The following B3GALT1 variants were observed in gnomAD, a reference collection of about 807,000 sequenced individuals.
The protein encoded by B3GALT1 is beta-1,3-galactosyltransferase 1.
Under a neutral mutation model 23.2 loss-of-function variants are expected in B3GALT1, and 10 were observed. The ratio of observed to expected loss-of-function variants is 0.43; its 90% CI spans 0.27 to 0.73. The LOEUF (loss-of-function observed/expected upper bound fraction) is 0.73. B3GALT1 is among the 30% of genes least tolerant of loss of function. The probability of loss-of-function intolerance (pLI) is 0.21; values close to 1 mark genes in which losing one functional copy is unlikely to be tolerated. For missense variants in B3GALT1, 299 were observed against 405.4 expected, an observed-to-expected ratio of 0.74 and a Z score of 2.25; for synonymous variants, 156 against 141.5, an observed-to-expected ratio of 1.10 and a Z score of -0.73.
intron 4 of B3GALT1, among the ~76,000 whole-genome samples, chr2:167,837,289 C>G (rs1375554899): frequency 6.6e-6 from 1 of 151,986 alleles, no homozygotes; most frequent in Non-Finnish European, 1.5e-5. Context: ...ACCCATCTCA[C>G]GTGCAGAGAC....
intron 1 of B3GALT1, among the ~76,000 whole-genome samples, chr2:167,294,421 C>T (rs1300986000): frequency 6.6e-6 from 1 of 152,238 alleles, no homozygotes; most frequent in African/African-American, 2.4e-5. Flanking sequence ...GAGTTCCACC[C>T]GTGCTGCAAA....
intron 1 of B3GALT1, among the ~76,000 whole-genome samples, chr2:167,371,430 A>G (rs1697682531): frequency 2.0e-5 from 3 of 152,186 alleles, no homozygotes; most frequent in Admixed American, 2.0e-4. Context: ...TGAAATAGAT[A>G]ATACTGAATT....
intron 4 of B3GALT1, among the ~76,000 whole-genome samples, chr2:167,824,109 T>G (rs938531859): frequency 2.0e-5 from 3 of 152,076 alleles, no homozygotes; most frequent in Admixed American, 6.6e-5. Context: ...AAAACTAGAG[T>G]AAAAACAGTA....
At chr2:167,838,132 C>T (rs547449039) in intron 4 of B3GALT1, among the ~76,000 whole-genome samples, 1 of 150,244 alleles carries the variant, frequency 6.7e-6, no homozygotes, top group Non-Finnish European at 1.5e-5. Context: ...AAAGCAAGAG[C>T]AAACACATTC....
intron 1 of B3GALT1, among the ~76,000 whole-genome samples, chr2:167,481,105 T>TTACAAAG (rs1411630321): frequency 1.3e-5 from 2 of 152,208 alleles, no homozygotes; most frequent in African/African-American, 4.8e-5. Flanking sequence ...TTGTCTGCAC[T>TTACAAAG]GTTGACTTAC....
chr2:167,395,159 G>A (rs888896341), intron 1 of B3GALT1, among the ~76,000 whole-genome samples: 1 of 152,146 alleles, frequency 6.6e-6, no homozygotes, highest in Non-Finnish European at 1.5e-5. Context: ...TTGCACGTGA[G>A]ATGGATATAA....
intron 1 of B3GALT1, among the ~76,000 whole-genome samples, chr2:167,404,978 C>G (rs1378232333): frequency 1.3e-5 from 2 of 152,052 alleles, no homozygotes; most frequent in Admixed American, 1.3e-4. Flanking sequence ...GGAAAAAATC[C>G]CGAATGTCAA....
intron 4 of B3GALT1, among the ~76,000 whole-genome samples, chr2:167,820,034 A>T (rs530283747): frequency 3.3e-5 from 5 of 152,312 alleles, no homozygotes; most frequent in Non-Finnish European, 5.9e-5. Context: ...ACACAGACTA[A>T]GAGACATGAG....
At chr2:167,525,228 A>G (rs1246833060) in intron 2 of B3GALT1, among the ~76,000 whole-genome samples, 6 of 152,052 alleles carry the variant, frequency 3.9e-5, no homozygotes, top group African/African-American at 1.4e-4. Flanking sequence ...CAATATTTTT[A>G]TATTTGTCAG....
intron 1 of B3GALT1, among the ~76,000 whole-genome samples, chr2:167,437,262 A>G (rs1270349875): frequency 6.6e-6 from 1 of 152,176 alleles, no homozygotes; most frequent in Non-Finnish European, 1.5e-5. Flanking sequence ...TGAAAGGTGA[A>G]ATGTTCAGTC....
At chr2:167,604,423 G>A (rs147126123) in intron 2 of B3GALT1, among the ~76,000 whole-genome samples, 2,214 of 152,292 alleles carry the variant, frequency 0.015, 60 homozygotes, top group African/African-American at 0.05. Context: ...TTTTGATACT[G>A]TCACCTCTGT....
chr2:167,420,201 A>T (rs1249160245), intron 1 of B3GALT1, among the ~76,000 whole-genome samples: 1 of 152,164 alleles, frequency 6.6e-6, no homozygotes, highest in Non-Finnish European at 1.5e-5. Flanking sequence ...CATCAGTATT[A>T]CCTCTGTGTC....
At chr2:167,721,170 G>A (rs993273314) in intron 3 of B3GALT1, among the ~76,000 whole-genome samples, 1 of 152,094 alleles carries the variant, frequency 6.6e-6, no homozygotes, top group Admixed American at 6.6e-5. Flanking sequence ...CTCCGTTACA[G>A]ACAATTTAGT....
intron 1 of B3GALT1, among the ~76,000 whole-genome samples, chr2:167,377,045 GTTTTC>G (rs1182276769): frequency 2.0e-5 from 3 of 152,048 alleles, no homozygotes; most frequent in African/African-American, 4.8e-5. Flanking sequence ...TTGTGTCTCT[GTTTTC>G]TTTTATTTCA....
chr2:167,460,938 A>T (rs1308340156), intron 1 of B3GALT1, among the ~76,000 whole-genome samples: 1 of 152,088 alleles, frequency 6.6e-6, no homozygotes, highest in Non-Finnish European at 1.5e-5. Flanking sequence ...TTGCTTTTTA[A>T]TATTATAATC....
chr2:167,804,493 A>G (rs1688708445), intron 3 of B3GALT1, among the ~76,000 whole-genome samples: 1 of 151,744 alleles, frequency 6.6e-6, no homozygotes, highest in African/African-American at 2.4e-5. Flanking sequence ...CCACCCCAAA[A>G]CAGGCCCCAG....
chr2:167,310,196 T>C (rs915395993), intron 1 of B3GALT1, among the ~76,000 whole-genome samples: 1 of 152,020 alleles, frequency 6.6e-6, no homozygotes, highest in African/African-American at 2.4e-5. Flanking sequence ...ATTTAGCAAG[T>C]TACAATTAAT....
chr2:167,519,030 T>C, intron 2 of B3GALT1, among the ~76,000 whole-genome samples: 1 of 152,180 alleles, frequency 6.6e-6, no homozygotes, highest in Non-Finnish European at 1.5e-5. Flanking sequence ...GAAGAGCTCA[T>C]GGCAAAGCTG....
chr2:167,388,637 G>A (rs554693884), intron 1 of B3GALT1, among the ~76,000 whole-genome samples: 1 of 152,250 alleles, frequency 6.6e-6, no homozygotes, highest in South Asian at 2.1e-4. Flanking sequence ...GGTAGCCAAG[G>A]TTCTCAAGCC....
Sources: allele counts gnomAD v4.1 joint callset (sites outside exome capture counted in the v4.1 genomes callset), GRCh38; gene constraint gnomAD v4.1.1; transcripts MANE v1.5; gene names NCBI Gene and HGNC (gene_info 2026-07-23, HGNC 2026-07-21).